Variants in NTM observed in about 807,000 individuals in gnomAD.
NTM encodes neurotrimin, also known as IgLON family member 2.
A neutral mutation model predicts 42.1 loss-of-function variants in NTM; 13 were observed. That is an observed-to-expected ratio of 0.31 (90% CI 0.20 to 0.49). The LOEUF is 0.49. Among genes scored for constraint, NTM ranks in the 20% least tolerant of loss-of-function variants. NTM has a pLI of 0.99. For synonymous variants in NTM, 187 were observed against 179.2 expected (o/e 1.04, Z -0.35); for missense variants, 373 against 452.8 (o/e 0.82, Z 1.60).
intron 1 of NTM, among the ~76,000 whole-genome samples, chr11:131,502,042 C>A (rs1032580199): frequency 3.3e-5 from 5 of 152,094 alleles, no homozygotes; most frequent in Admixed American, 3.3e-4. Flanking sequence ...AGGCTGGAAA[C>A]ATCAGCCTGT....
chr11:132,091,299 T>G (rs1451271453), intron 2 of NTM, among the ~76,000 whole-genome samples: 1 of 151,794 alleles, frequency 6.6e-6, no homozygotes, highest in Non-Finnish European at 1.5e-5. Context: ...TCCCAGCTAC[T>G]TGGGAGGCTT....
At chr11:132,295,143 A>AAC (rs370623032) in intron 4 of NTM, among the ~76,000 whole-genome samples, 438 of 150,890 alleles carry the variant, frequency 2.9e-3, no homozygotes, top group African/African-American at 0.01. Flanking sequence ...CACACACACA[A>AAC]ACACACACAC....
intron 7 of NTM, chr11:132,317,631 C>T (rs2095465256): frequency 7.7e-7 from 1 of 1,295,528 alleles, no homozygotes; most frequent in Admixed American, 2.3e-5. Flanking sequence ...TTTTTCTCTC[C>T]TGTGTGTCCC....
chr11:131,911,370 G>A (rs2137959086), intron 1 of NTM, 194 bp from the exon 2 acceptor site: 1 of 1,551,170 alleles, frequency 6.4e-7, no homozygotes, highest in Admixed American at 1.9e-5. Context: ...GGTCGCCGCG[G>A]GTTCACCGCT....
intron 4 of NTM, among the ~76,000 whole-genome samples, chr11:132,243,255 GA>G (rs1290138888): frequency 9.9e-5 from 15 of 152,228 alleles, no homozygotes; most frequent in African/African-American, 3.4e-4. Flanking sequence ...AGCTTGGTAA[GA>G]AGTCAGTAAA....
intron 3 of NTM, among the ~76,000 whole-genome samples, chr11:132,160,798 AAT>A (rs907654356): frequency 6.6e-6 from 1 of 152,144 alleles, no homozygotes; most frequent in Non-Finnish European, 1.5e-5. Flanking sequence ...CTGGACAAAA[AAT>A]GACAAGTGCA....
chr11:132,314,166 T>TCATCAC (rs139097316), intron 6 of NTM, among the ~76,000 whole-genome samples: 79 of 151,888 alleles, frequency 5.2e-4, no homozygotes, highest in Middle Eastern at 6.8e-3. Context: ...ATGGTTGTCA[T>TCATCAC]CATCACCATC....
intron 1 of NTM, among the ~76,000 whole-genome samples, chr11:131,478,791 T>C (rs1404298206): frequency 6.6e-6 from 1 of 152,250 alleles, no homozygotes; most frequent in African/African-American, 2.4e-5. Context: ...TTTTATCCAA[T>C]GAAGTTGTTT....
At chr11:131,597,585 C>T (rs1302918771) in intron 1 of NTM, among the ~76,000 whole-genome samples, 1 of 152,188 alleles carries the variant, frequency 6.6e-6, no homozygotes, top group South Asian at 2.1e-4. Context: ...ACTGCACTGC[C>T]CTCTACCCTT....
rs927300624 is a variant in NTM, at chr11:131,443,425, T to C, written c.82+72537T>C. Among the ~76,000 whole-genome samples, 85 of 152,190 alleles carry C rather than the reference T, an allele frequency of 5.6e-4. 1 individual carries two copies. The highest frequency in any genetic ancestry group is 1.5e-3 in the African/African-American group (64 of 41,430). On this transcript the variant is annotated intron_variant, in intron 1 of 8. Transcript: ENST00000683400. The stretch of plus-strand genomic sequence containing the variant: ...ATATTGCAGAAGAAAATATATTTTC[T>C]TGGAATATACTGAGATTGAGGTGCC...
At chr11:132,107,495 T>C (rs1387810551) in intron 2 of NTM, among the ~76,000 whole-genome samples, 1 of 151,518 alleles carries the variant, frequency 6.6e-6, no homozygotes, top group Non-Finnish European at 1.5e-5. Flanking sequence ...GAAGTAGAGG[T>C]GCACCACTAT....
At chr11:131,804,376 T>C (rs1279163901) in intron 1 of NTM, among the ~76,000 whole-genome samples, 4 of 152,212 alleles carry the variant, frequency 2.6e-5, no homozygotes, top group Non-Finnish European at 5.9e-5. Flanking sequence ...GTGTGACGTC[T>C]GCTGTTTCCT....
At chr11:132,012,489 G>A (rs1047100683) in intron 2 of NTM, among the ~76,000 whole-genome samples, 7 of 152,158 alleles carry the variant, frequency 4.6e-5, no homozygotes, top group South Asian at 2.1e-4. Flanking sequence ...TTAAACAGAC[G>A]TCTGAAGATG....
intron 3 of NTM, among the ~76,000 whole-genome samples, chr11:132,182,045 A>G (rs545266114): frequency 4.0e-5 from 6 of 151,410 alleles, no homozygotes; most frequent in Admixed American, 4.0e-4. Context: ...AGGAATGGCA[A>G]AAACCCACTC....
chr11:132,066,602 T>C (rs1196098786), intron 2 of NTM, among the ~76,000 whole-genome samples: 1 of 152,148 alleles, frequency 6.6e-6, no homozygotes, highest in Admixed American at 6.5e-5. Context: ...CGCAGGAGCG[T>C]AGGGGATAAT....
chr11:131,431,858 C>G (rs1363848270), intron 1 of NTM, among the ~76,000 whole-genome samples: 2 of 152,110 alleles, frequency 1.3e-5, no homozygotes, highest in African/African-American at 4.8e-5. Flanking sequence ...TCCTCACAGT[C>G]CAGCAAAGAA....
chr11:131,690,607 T>C (rs1185530984), intron 1 of NTM, among the ~76,000 whole-genome samples: 1 of 152,190 alleles, frequency 6.6e-6, no homozygotes, highest in Non-Finnish European at 1.5e-5. Context: ...TGTACGGAAA[T>C]ACAGAACACA....
chr11:132,180,122 G>T (rs1238786618), intron 3 of NTM, among the ~76,000 whole-genome samples: 1 of 152,186 alleles, frequency 6.6e-6, no homozygotes, highest in Non-Finnish European at 1.5e-5. Context: ...TCTATGGAGA[G>T]AAAGTGATTC....
chr11:132,093,321 A>G (rs2060585840), intron 2 of NTM, among the ~76,000 whole-genome samples: 1 of 152,134 alleles, frequency 6.6e-6, no homozygotes, highest in South Asian at 2.1e-4. Flanking sequence ...GGTCTGTATT[A>G]GACATGCATG....
Sources: gnomAD v4.1 joint callset for allele counts (sites outside exome capture counted in the v4.1 genomes callset) on GRCh38, gnomAD v4.1.1 for gene constraint, MANE v1.5 for transcripts, NCBI Gene and HGNC (gene_info 2026-07-23, HGNC 2026-07-21) for gene names.